KITLG: variants seen among roughly 807,000 people sequenced by gnomAD.
KITLG encodes c-Kit ligand.
In KITLG, 13 loss-of-function variants were observed where a neutral mutation model predicts 34.1. That is an observed-to-expected ratio of 0.38 (90% CI 0.25 to 0.61). KITLG has a LOEUF of 0.61. Ranked by LOEUF, KITLG falls within the 20% of genes least tolerant of loss-of-function variation. The pLI is 0.60. For synonymous variants in KITLG, 110 were observed against 104.0 expected (o/e 1.06, Z -0.35); for missense variants, 292 against 318.9 (o/e 0.92, Z 0.64).
chr12:88,577,166 GTTAA>G (rs1871854537), intron 1 of KITLG, among the ~76,000 whole-genome samples: 1 of 152,108 alleles, frequency 6.6e-6, no homozygotes, highest in African/African-American at 2.4e-5. Flanking sequence ...TCATAAGTAT[GTTAA>G]TTTTCTTCTA....
intron 1 of KITLG, among the ~76,000 whole-genome samples, chr12:88,547,070 C>G (rs1870745185): frequency 6.6e-6 from 1 of 152,168 alleles, no homozygotes; most frequent in Non-Finnish European, 1.5e-5. Flanking sequence ...CAAAACCATG[C>G]AGATGTGAAG....
At chr12:88,549,824 G>A (rs1870834079) in intron 1 of KITLG, among the ~76,000 whole-genome samples, 1 of 152,144 alleles carries the variant, frequency 6.6e-6, no homozygotes, top group Non-Finnish European at 1.5e-5. Flanking sequence ...AACTGCGCAT[G>A]CTATGGTGTT....
chr12:88,500,944 C>T (rs188363117), intron 9 of KITLG, among the ~76,000 whole-genome samples: 1 of 152,048 alleles, frequency 6.6e-6, no homozygotes, highest in Admixed American at 6.6e-5. Flanking sequence ...TATGCCCACC[C>T]AATTTTTAAA....
chr12:88,541,796 C>T (rs1023543933), intron 2 of KITLG, among the ~76,000 whole-genome samples: 1 of 151,780 alleles, frequency 6.6e-6, no homozygotes, highest in Non-Finnish European at 1.5e-5. Flanking sequence ...GGGGGCAGTA[C>T]AAAGTGTTCA....
rs560346596 is a variant in KITLG at position 88,513,333 on chromosome 12, C to CA, written c.604+2200dup. On this transcript the variant is annotated intron_variant, in intron 6 of 9. Transcript: ENST00000644744. Reference sequence around the variant, plus strand: ...AAACACTAGAAAAAAAATAATTAACCAAAAAAAAAGGGCTAGAAATAAGGA... The same window carrying CA: ...AAACACTAGAAAAAAAATAATTAACCAAAAAAAAAAGGGCTAGAAATAAGGA... Among the ~76,000 whole-genome samples the CA allele has an allele frequency of 1.4e-4, 20 of 146,124 alleles. No homozygotes were observed. The South Asian group carries it at 1.9e-3, about 14-fold the overall frequency.
At chr12:88,563,926 C>T (rs1157218914) in intron 1 of KITLG, among the ~76,000 whole-genome samples, 1 of 151,240 alleles carries the variant, frequency 6.6e-6, no homozygotes, top group Non-Finnish European at 1.5e-5. Context: ...TGCACCATTG[C>T]ACTCCAGCAG....
chr12:88,534,068 TG>T (rs1337860343), intron 2 of KITLG, among the ~76,000 whole-genome samples: 1 of 152,200 alleles, frequency 6.6e-6, no homozygotes, highest in East Asian at 1.9e-4. Flanking sequence ...GTGCTCACTA[TG>T]GGCTTGGGCT....
chr12:88,528,445 G>T (rs911336020), intron 3 of KITLG, among the ~76,000 whole-genome samples: 2 of 152,058 alleles, frequency 1.3e-5, no homozygotes, highest in Non-Finnish European at 2.9e-5. Context: ...GTATCAAAAT[G>T]AAAATTCCAA....
chr12:88,554,212 C>T (rs1871021487), intron 1 of KITLG, among the ~76,000 whole-genome samples: 2 of 152,060 alleles, frequency 1.3e-5, no homozygotes, highest in Non-Finnish European at 2.9e-5. Context: ...ATCAGGGGGA[C>T]ATATGCTGTT....
intron 2 of KITLG, among the ~76,000 whole-genome samples, chr12:88,542,133 A>G (rs1429586944): frequency 6.6e-6 from 1 of 152,204 alleles, no homozygotes; most frequent in African/African-American, 2.4e-5. Context: ...GCAACCTGAA[A>G]AAAACATCAT....
chr12:88,530,254 C>A (rs79263881), intron 3 of KITLG, among the ~76,000 whole-genome samples: 244 of 152,242 alleles, frequency 1.6e-3, no homozygotes, highest in African/African-American at 5.5e-3. Flanking sequence ...TAGATCCTCA[C>A]TTTCCGTAAC....
intron 1 of KITLG, among the ~76,000 whole-genome samples, chr12:88,577,722 A>G (rs1871876939): frequency 6.6e-6 from 1 of 152,198 alleles, no homozygotes; most frequent in South Asian, 2.1e-4. Flanking sequence ...TATTGGAAAT[A>G]CTGAAGTGTA....
chr12:88,562,952 A>T (rs374628992), intron 1 of KITLG, among the ~76,000 whole-genome samples: 1 of 152,222 alleles, frequency 6.6e-6, no homozygotes, highest in African/African-American at 2.4e-5. Flanking sequence ...GGGGCATATT[A>T]AAAAAGCGAA....
chr12:88,505,871 C>A (rs531261694), intron 8 of KITLG, among the ~76,000 whole-genome samples: 1 of 152,136 alleles, frequency 6.6e-6, no homozygotes, highest in Admixed American at 6.6e-5. Flanking sequence ...GGCAGCAACT[C>A]ATGAGATCAT....
At chr12:88,564,548 T>C (rs962568697) in intron 1 of KITLG, among the ~76,000 whole-genome samples, 6 of 152,242 alleles carry the variant, frequency 3.9e-5, no homozygotes, top group Non-Finnish European at 7.3e-5. Flanking sequence ...CACAAACCAT[T>C]TTGTACATCT....
intron 2 of KITLG, chr12:88,534,556 G>A (rs1210652220): frequency 1.8e-5 from 7 of 389,016 alleles, no homozygotes; most frequent in African/African-American, 6.6e-5. Flanking sequence ...TAGCAGAGAC[G>A]GGGTTTTGCT....
rs148463180 is a variant in KITLG at position 88,555,084 on chromosome 12, A to C, written c.16-9219T>G. 8.9e-3 allele frequency among the ~76,000 whole-genome samples: 1,360 copies of C among 152,282 alleles called. 6 individuals carry two copies. The highest frequency in any genetic ancestry group is 0.017 in the Middle Eastern group (5 of 294). On this transcript the variant is annotated intron_variant, in intron 1 of 9. Transcript: ENST00000644744. ...GAATATGCTCTTATAACAAAAAAAA[A>C]CTAGAAAGAAGTTGCTTAATATGAA...
chr12:88,560,614 C>G (rs944360201), intron 1 of KITLG, among the ~76,000 whole-genome samples: 2 of 152,080 alleles, frequency 1.3e-5, no homozygotes, highest in South Asian at 2.1e-4. Flanking sequence ...GAATGTTAAC[C>G]TAAATAGCAA....
chr12:88,555,535 C>T (rs1473109819), intron 1 of KITLG, among the ~76,000 whole-genome samples: 1 of 152,130 alleles, frequency 6.6e-6, no homozygotes, highest in Non-Finnish European at 1.5e-5. Flanking sequence ...TAATGAACTA[C>T]TAAATTTTAT....
Sources: gnomAD v4.1 joint callset for allele counts (sites outside exome capture counted in the v4.1 genomes callset) on GRCh38, gnomAD v4.1.1 for gene constraint, MANE v1.5 for transcripts, NCBI Gene and HGNC (gene_info 2026-07-23, HGNC 2026-07-21) for gene names.